The following KCP variants were observed in gnomAD, a reference collection of about 807,000 sequenced individuals.
The protein encoded by KCP is kielin/chordin-like protein.
KCP carries 194 observed loss-of-function variants against 212.7 expected under a neutral mutation model. That is an observed-to-expected ratio of 0.91 (90% CI 0.81 to 1.03). KCP has a LOEUF of 1.03. Ranked by LOEUF, KCP falls within the 50% of genes least tolerant of loss-of-function variation. The pLI is 0.00. For missense variants in KCP, 2,080 were observed against 2,162.5 expected, an observed-to-expected ratio of 0.96 and a Z score of 0.76; for synonymous variants, 833 against 865.3, an observed-to-expected ratio of 0.96 and a Z score of 0.65.
intron 27 of KCP, 107 bp downstream of exon 27, chr7:128,884,990 C>T: frequency 6.6e-7 from 1 of 1,504,290 alleles, no homozygotes; most frequent in Non-Finnish European, 9.0e-7. Flanking sequence ...AGGACGGAGG[C>T]CACTTCTCCA....
intron 14 of KCP, 31 bp from the exon 15 acceptor site, chr7:128,892,825 G>A (rs1342638258): frequency 6.4e-7 from 1 of 1,551,454 alleles, no homozygotes; most frequent in Admixed American, 2.0e-5. Flanking sequence ...AGGGTGAGCT[G>A]GGTAATGCAG....
At chr7:128,887,591 AC>A (rs1793742371) in intron 22 of KCP, among the ~76,000 whole-genome samples, 1 of 134,668 alleles carries the variant, frequency 7.4e-6, no homozygotes, top group Admixed American at 7.0e-5. Flanking sequence ...CTCCACACAT[AC>A]ACACACAGCC....
Position 128,884,045 on chromosome 7 carries a change from C to T in KCP, c.3201G>A (p.Gln1067=). 1.3e-6 allele frequency: 2 copies of T among 1,546,722 alleles called. No homozygotes were observed. The highest frequency in any genetic ancestry group is 1.7e-6 in the Non-Finnish European group (2 of 1,145,662). Residue 1067 remains glutamine (Q), a synonymous_variant, in exon 29 of 40, where the codon CAG becomes CAA. Transcript: ENST00000610776. ...AGTGCTGGGGCCCAGGGGGCAGGAG[C>T]TGGCTGGGGGGGCAGCCCACCAGGC... ...CPSLVGCPPS[Q]LLPPGPQHCC...
At chr7:128,899,263 T>C (rs1344990066) in intron 8 of KCP, among the ~76,000 whole-genome samples, 1 of 152,216 alleles carries the variant, frequency 6.6e-6, no homozygotes, top group Non-Finnish European at 1.5e-5. Context: ...AGTAACCAAA[T>C]TTCCTTATCA....
In KCP at chr7:128,890,931, TGGCGCGGGTGCGCGCAG is replaced by T. The variant is rs1794077072; in HGVS notation, c.2121_2137del (p.Cys708GlyfsTer63). On this transcript the variant is annotated frameshift_variant, in exon 20 of 40. Transcript: ENST00000610776. LOFTEE classifies it high-confidence loss of function. ...GTCGCAGGAGGGGCAGCAAGGCCCC[TGGCGCGGGTGCGCGCAG>T]GGCGCGGGCGGGCAGGGCAGCCGCT... 4.8e-6 allele frequency: 6 copies of T among 1,245,556 alleles called. No homozygotes were observed. In the South Asian group the frequency reaches 2.2e-4, roughly 46 times the overall value. The allele number at this position is 1,245,556 out of a possible 1,614,324, so 77.2% of individuals were successfully genotyped here.
rs1167147909 is a variant in KCP, at chr7:128,879,513, G to C, written c.4146+9C>G. The C allele has an allele frequency of 6.5e-7, 1 of 1,547,424 alleles. No individual in the cohort carries two copies. On this transcript the variant is annotated intron_variant, in intron 37 of 39. Coordinates refer to ENST00000610776, the MANE Select transcript of KCP (RefSeq NM_001366122.1). ...AGGCAGCCCACCCAGACTCGCCCTG[G>C]AGCCGCACCTGGAGCCCGGGCTGGG...
chr7:128,877,072 G>A lies in KCP; in HGVS notation c.4858C>T (p.Pro1620Ser). Residue 1620 changes from proline (P) to serine (S), a missense_variant, in exon 40 of 40, where the codon CCC becomes TCC. Physicochemically the swap from Pro to Ser is moderately conservative, Grantham distance 74. Transcript: ENST00000610776. ...GGTGTCTCCTGGGGCTCCCGGCTGG[G>A]GCTGGGCCGAGCACCAAGTGGCTGG... ...GDQPLGARPS[P>S]SREPQETP is the part of the protein sequence containing the mutation. 3.3e-6 allele frequency: 5 copies of A among 1,523,580 alleles called. No homozygotes were observed. Among genetic ancestry groups the A allele is most frequent in the South Asian group, 1.3e-5 (1 of 79,576 alleles). 94.4% of individuals were successfully genotyped at this position (1,523,580 alleles called of 1,614,324 possible).
chr7:128,883,439 G>A (rs952913994), intron 29 of KCP, among the ~76,000 whole-genome samples: 6 of 152,014 alleles, frequency 3.9e-5, no homozygotes, highest in African/African-American at 1.4e-4. Context: ...ACCTCGGCCT[G>A]TTTTTTCTAT....
At chr7:128,888,835 G>T (rs1273079098) in intron 22 of KCP, 28 bp downstream of exon 22, 2 of 1,541,556 alleles carry the variant, frequency 1.3e-6, no homozygotes, top group African/African-American at 1.4e-5. Context: ...CCCCAGCAGG[G>T]GGAATGGAAG....
In KCP at chr7:128,893,285, G is replaced by A. The variant is rs1196210061; in HGVS notation, c.1220C>T (p.Pro407Leu). 1 of 1,551,466 alleles carries A rather than the reference G, an allele frequency of 6.4e-7. No homozygotes were observed. The highest frequency in any genetic ancestry group is 2.0e-5 in the Admixed American group (1 of 50,996). ...GGCAGGCAGGGCACAGGGGGTGACT[G>A]GGCACTCCTGCTCCTCACAGGAGAC... is the stretch of plus-strand genomic sequence containing the variant. ...GEVSCEEQECPVTPCALPASG... is the reference protein window; with the variant it reads ...GEVSCEEQECLVTPCALPASG... Residue 407 changes from proline to leucine, a missense_variant, in exon 13 of 40, where the codon CCA becomes CTA. By Grantham distance (98) the Pro-to-Leu change is moderately conservative (BLOSUM62 -3). Coordinates refer to ENST00000610776, the MANE Select transcript of KCP (RefSeq NM_001366122.1).
At chr7:128,893,783 CAG>C in intron 11 of KCP, 21 bp downstream of exon 11, 1 of 1,546,654 alleles carries the variant, frequency 6.5e-7, no homozygotes. Context: ...GCCCCTCCCG[CAG>C]AGACCCCGGC....
At chr7:128,889,101 C>G in intron 21 of KCP, 62 bp from the exon 22 acceptor site, 1 of 1,332,216 alleles carries the variant, frequency 7.5e-7, no homozygotes, top group Non-Finnish European at 1.0e-6. Context: ...GGGCAGTGGT[C>G]ATAGGCTCTG....
Position 128,907,189 on chromosome 7 carries a change from G to A in KCP, c.410-12C>T, listed in dbSNP as rs775812157. The A allele has an allele frequency of 1.4e-5, 22 of 1,549,900 alleles. No homozygotes were observed. Among genetic ancestry groups the A allele is most frequent in the South Asian group, 4.8e-5 (4 of 83,936 alleles). On this transcript the variant is annotated splice_polypyrimidine_tract_variant and intron_variant, in intron 3 of 39. Coordinates refer to ENST00000610776, the MANE Select transcript of KCP (RefSeq NM_001366122.1). ...ATTTTGGCTGCAGCCTAAGGAGACA[G>A]CAGTGTCACTCAAGCACCCCATGCC...
chr7:128,890,910 C>T lies in KCP; in HGVS notation c.2159G>A (p.Cys720Tyr), dbSNP rs1018633158. The change falls in exon 20 of 40, where the codon TGC becomes TAC. Residue 720 changes from cysteine to tyrosine, a missense_variant. Cys to Tyr is a radical substitution (Grantham distance 194). Coordinates refer to ENST00000610776, the MANE Select transcript of KCP (RefSeq NM_001366122.1). ...GGGCACCGCCAGGGCGTTACCGTCG[C>T]AGGAGGGGCAGCAAGGCCCCTGGCG... is the stretch of plus-strand genomic sequence containing the variant. ...HPRQGPCCPS[C>Y]DGCLYQGKEF... 1.6e-6 allele frequency: 2 copies of T among 1,246,166 alleles called. No individual in the cohort carries two copies. The highest frequency in any genetic ancestry group is 3.1e-5 in the African/African-American group (2 of 64,024). 77.2% of individuals were successfully genotyped at this position (1,246,166 alleles called of 1,614,324 possible).
In KCP at chr7:128,884,844, C is replaced by G. The variant is rs534719054; in HGVS notation, c.3060G>C (p.Arg1020=). Residue 1020 remains arginine, a synonymous_variant, in exon 28 of 40, where the codon CGG becomes CGC. Transcript: ENST00000610776. The part of the protein sequence containing the change: ...PQCSDCEHEG[R]KYEPGESFQP... ...GGAAGCTCTCCCCAGGCTCGTACTTCCGGCCCTCATGCTCACAGTCTTTGG... is the reference window on the plus strand; with the variant it reads ...GGAAGCTCTCCCCAGGCTCGTACTTGCGGCCCTCATGCTCACAGTCTTTGG... The G allele has an allele frequency of 1.9e-6, 3 of 1,551,072 alleles. No individual in the cohort carries two copies. The African/African-American group carries it at 4.1e-5, about 21-fold the overall frequency.
chr7:128,877,268 G>T lies in KCP; in HGVS notation c.4662C>A (p.Cys1554Ter). 6.7e-7 allele frequency: 1 copy of T among 1,501,956 alleles called. No homozygotes were observed. Among genetic ancestry groups the T allele is most frequent in the Non-Finnish European group, 8.9e-7 (1 of 1,127,766 alleles). The allele number at this position is 1,501,956 out of a possible 1,614,324, so 93.0% of individuals were successfully genotyped here. A position where few individuals can be genotyped will look rare whatever the true frequency, so the allele number is the denominator to read the frequency against. The change falls in exon 40 of 40, where the codon TGC becomes TGA. Residue 1554 changes from cysteine to a stop codon, truncating the protein, a stop_gained. Coordinates refer to ENST00000610776, the MANE Select transcript of KCP (RefSeq NM_001366122.1). LOFTEE classifies it high-confidence loss of function. ...AGCAGGTGCGGGGACAGGGTGGGCC[G>T]CACTCATCAAACACGAAGCCACGCT... ...PLERGFVFDE[C>*]GPPCPRTCFN...
intron 22 of KCP, among the ~76,000 whole-genome samples, chr7:128,887,971 G>GCA (rs1192312789): frequency 1.0e-5 from 1 of 96,698 alleles, no homozygotes; most frequent in Non-Finnish European, 2.1e-5. Flanking sequence ...ATACACAGAT[G>GCA]CACACACACC....
At chr7:128,884,148 G>T in intron 28 of KCP, 26 bp from the exon 29 acceptor site, 1 of 1,520,740 alleles carries the variant, frequency 6.6e-7, no homozygotes, top group Non-Finnish European at 8.8e-7. Flanking sequence ...AGCAGCGGTG[G>T]GTCCTGGGCC....
rs1793575583 is a variant in KCP at position 128,885,224 on chromosome 7, C to T, written c.2913G>A (p.Val971=). Residue 971 remains valine, a synonymous_variant, in exon 27 of 40, where the codon GTG becomes GTA. Coordinates refer to ENST00000610776, the MANE Select transcript of KCP (RefSeq NM_001366122.1). ...AGGAGGAGCAGGCACTGTCGGGGGG[C>T]ACCCATCTACTGCCTTCGGGGTGCT... is the stretch of plus-strand genomic sequence containing the variant. The part of the protein sequence containing the change: ...GEEHPEGSRW[V]PPDSACSSCV... 9 of 1,550,438 alleles carry T rather than the reference C, an allele frequency of 5.8e-6. No homozygotes were observed. Among genetic ancestry groups the T allele is most frequent in the Non-Finnish European group, 7.8e-6 (9 of 1,146,738 alleles).
Sources: gnomAD v4.1 joint callset for allele counts (sites outside exome capture counted in the v4.1 genomes callset) on GRCh38, gnomAD v4.1.1 for gene constraint, MANE v1.5 for transcripts, NCBI Gene and HGNC (gene_info 2026-07-23, HGNC 2026-07-21) for gene names.